CREB1: variants seen among roughly 807,000 people sequenced by gnomAD.
CREB1 encodes the protein cyclic AMP-responsive element-binding protein 1.
CREB1 carries 2 observed loss-of-function variants against 42.0 expected under a neutral mutation model. The observed-to-expected ratio is 0.05, with a 90% CI of 0.02 to 0.15. The LOEUF (loss-of-function observed/expected upper bound fraction) is 0.15, where lower values mean the gene tolerates loss of function less well. CREB1 is among the 10% of genes least tolerant of loss of function. The probability of loss-of-function intolerance (pLI) is 1.00; values close to 1 mark genes in which losing one functional copy is unlikely to be tolerated. For synonymous variants in CREB1, 123 were observed against 139.9 expected, an observed-to-expected ratio of 0.88 and a Z score of 0.85; for missense variants, 199 against 388.9, an observed-to-expected ratio of 0.51 and a Z score of 4.11.
intron 1 of CREB1, among the ~76,000 whole-genome samples, chr2:207,552,772 G>A (rs982427084): frequency 6.6e-6 from 1 of 151,764 alleles, no homozygotes; most frequent in Admixed American, 6.6e-5. Context: ...CTGCCACCAC[G>A]CCCAGCTAAT....
At chr2:207,531,664 GCCCCGA>G (rs2080635053) in intron 1 of CREB1, among the ~76,000 whole-genome samples, 1 of 152,122 alleles carries the variant, frequency 6.6e-6, no homozygotes, top group Non-Finnish European at 1.5e-5. Flanking sequence ...TAAAAGTAAA[GCCCCGA>G]ACAGTTATTT....
chr2:207,571,480 C>T (rs1365046741), intron 5 of CREB1, among the ~76,000 whole-genome samples: 3 of 152,162 alleles, frequency 2.0e-5, no homozygotes, highest in African/African-American at 7.2e-5. Context: ...TTTAACTCTG[C>T]CAAGGCTGAA....
chr2:207,592,807 T>C (rs2085318695), intron 7 of CREB1, among the ~76,000 whole-genome samples: 1 of 151,180 alleles, frequency 6.6e-6, no homozygotes, highest in African/African-American at 2.4e-5. Context: ...TAGTCCCAGC[T>C]GAGGCTGAGG....
intron 1 of CREB1, among the ~76,000 whole-genome samples, chr2:207,530,783 T>C (rs1304221080): frequency 6.6e-6 from 1 of 151,834 alleles, no homozygotes; most frequent in African/African-American, 2.4e-5. Context: ...TCTGACCTAC[T>C]CTTCTCTCCA....
intron 1 of CREB1, among the ~76,000 whole-genome samples, chr2:207,542,102 T>C (rs1334281716): frequency 3.3e-5 from 5 of 152,232 alleles, no homozygotes; most frequent in Non-Finnish European, 7.3e-5. Context: ...TTGGACTTTT[T>C]GATTATTATG....
Position 207,602,068 on chromosome 2 carries a change from A to ATCTG in CREB1, c.*5014_*5017dup, listed in dbSNP as rs1307750118. On this transcript the variant is annotated 3_prime_UTR_variant, in exon 8 of 8. Coordinates refer to ENST00000353267, the MANE Select transcript of CREB1 (RefSeq NM_004379.5). Reference sequence around the variant, plus strand: ...CAAATAAACAGGGTGCTGAAGTTCCATCTGTCTCATCTGCTTATGATAAGT... The same window carrying ATCTG: ...CAAATAAACAGGGTGCTGAAGTTCCATCTGTCTGTCTCATCTGCTTATGATAAGT... 1 of 204,770 alleles carries ATCTG rather than the reference A, an allele frequency of 4.9e-6. No homozygotes were observed. Among genetic ancestry groups the ATCTG allele is most frequent in the Non-Finnish European group, 1.0e-5 (1 of 100,150 alleles). The allele number at this position is 204,770 out of a possible 1,614,324, so 12.7% of individuals were successfully genotyped here. A position where few individuals can be genotyped will look rare whatever the true frequency, so the allele number is the denominator to read the frequency against.
At position 207,603,343 on chromosome 2, in the gene CREB1, TTACTG is replaced by T. The variant is rs2087442122; in HGVS notation, c.*6288_*6292del. 2 of 224,424 alleles carry T rather than the reference TTACTG, an allele frequency of 8.9e-6. No homozygotes were observed. The highest frequency in any genetic ancestry group is 4.4e-5 in the African/African-American group (2 of 44,980). The allele number at this position is 224,424 out of a possible 1,614,324, so 13.9% of individuals were successfully genotyped here. A position where few individuals can be genotyped will look rare whatever the true frequency, so the allele number is the denominator to read the frequency against. On this transcript the variant is annotated 3_prime_UTR_variant, in exon 8 of 8. Transcript: ENST00000353267. ...AAATATTGTCATAAAGTGCTTTTTC[TTACTG>T]TAATCTTTGTGGTATCAACTGTCAT...
At chr2:207,565,722 A>T (rs2082117420) in intron 3 of CREB1, among the ~76,000 whole-genome samples, 1 of 152,122 alleles carries the variant, frequency 6.6e-6, no homozygotes, top group Admixed American at 6.6e-5. Flanking sequence ...CAAGCAGTGG[A>T]CACAGAAAGA....
At chr2:207,531,256 C>T (rs2080614801) in intron 1 of CREB1, among the ~76,000 whole-genome samples, 1 of 152,228 alleles carries the variant, frequency 6.6e-6, no homozygotes. Context: ...TGGATCTCCC[C>T]TCACCCTCCG....
At chr2:207,536,556 A>G (rs2080878395) in intron 1 of CREB1, among the ~76,000 whole-genome samples, 1 of 152,238 alleles carries the variant, frequency 6.6e-6, no homozygotes, top group African/African-American at 2.4e-5. Flanking sequence ...ACTCTGTCTT[A>G]AGAAAAAAAC....
chr2:207,557,347 GAGAA>G (rs1392848901), intron 2 of CREB1, among the ~76,000 whole-genome samples: 1 of 152,078 alleles, frequency 6.6e-6, no homozygotes, highest in Non-Finnish European at 1.5e-5. Flanking sequence ...GTGGTTTTAT[GAGAA>G]AGAAAGGTTG....
In CREB1 at chr2:207,560,267, C is replaced by A. The variant is rs140357947; in HGVS notation, c.156C>A (p.Thr52=). The A allele has an allele frequency of 6.2e-7, 1 of 1,613,248 alleles. No homozygotes were observed. The highest frequency in any genetic ancestry group is 2.2e-5 in the East Asian group (1 of 44,886). ...CTCATGCAACATCATCTGCTCCCAC[C>A]GTAACTCTAGTACAGCTGCCCAATG... The part of the protein sequence containing the change: ...PAAHATSSAP[T]VTLVQLPNGQ... Residue 52 remains threonine, a synonymous_variant, in exon 3 of 8, where the codon ACC becomes ACA. Transcript: ENST00000353267.
chr2:207,549,281 A>G (rs562610009), intron 1 of CREB1, among the ~76,000 whole-genome samples: 177 of 152,296 alleles, frequency 1.2e-3, no homozygotes, highest in Non-Finnish European at 2.0e-3. Context: ...AAAGTGTGCT[A>G]TATTTAACAC....
At chr2:207,559,495 T>C (rs1482522428) in intron 2 of CREB1, among the ~76,000 whole-genome samples, 1 of 152,222 alleles carries the variant, frequency 6.6e-6, no homozygotes, top group Non-Finnish European at 1.5e-5. Flanking sequence ...GTAGTTTCAG[T>C]TCTAACATTA....
At chr2:207,573,714 C>G (rs1348401901) in intron 5 of CREB1, among the ~76,000 whole-genome samples, 1 of 152,154 alleles carries the variant, frequency 6.6e-6, no homozygotes, top group Non-Finnish European at 1.5e-5. Flanking sequence ...GCCTGGAAGA[C>G]AGAACAAGAC....
chr2:207,539,984 T>C (rs753066817), intron 1 of CREB1, among the ~76,000 whole-genome samples: 1 of 152,166 alleles, frequency 6.6e-6, no homozygotes, highest in East Asian at 1.9e-4. Context: ...AGGTAAGATA[T>C]AAACAGGAAT....
In CREB1 at chr2:207,558,906, G is replaced by A. The variant is rs148340879; in HGVS notation, c.115-1320G>A. On this transcript the variant is annotated intron_variant, in intron 2 of 7. Transcript: ENST00000353267. Reference sequence around the variant, plus strand: ...GATCCACCCGCCTCGGCCTCCCAAAGTGCTGGGATTACAGGCGTGAGCCAC... The same window carrying A: ...GATCCACCCGCCTCGGCCTCCCAAAATGCTGGGATTACAGGCGTGAGCCAC... Among the ~76,000 whole-genome samples the A allele has an allele frequency of 1.2e-3, 176 of 152,272 alleles. 7 individuals carry two copies. The East Asian group carries it at 0.032, about 28-fold the overall frequency.
chr2:207,530,975 T>C (rs1456175347), intron 1 of CREB1, among the ~76,000 whole-genome samples: 1 of 151,988 alleles, frequency 6.6e-6, no homozygotes, highest in African/African-American at 2.4e-5. Flanking sequence ...CTTTGCTTTT[T>C]TTTTTTTTTT....
chr2:207,562,988 G>A (rs1416282152), intron 3 of CREB1, among the ~76,000 whole-genome samples: 5 of 152,142 alleles, frequency 3.3e-5, no homozygotes, highest in Admixed American at 3.3e-4. Flanking sequence ...AATGAAAAGA[G>A]ACAGACTATG....
Sources: allele counts gnomAD v4.1 joint callset (sites outside exome capture counted in the v4.1 genomes callset), GRCh38; gene constraint gnomAD v4.1.1; transcripts MANE v1.5; gene names NCBI Gene and HGNC (gene_info 2026-07-23, HGNC 2026-07-21).